Variants in IFT140 observed in about 807,000 individuals in gnomAD.
The protein encoded by IFT140 is intraflagellar transport protein 140 homolog.
In IFT140, 133 loss-of-function variants were observed where a neutral mutation model predicts 164.6. The observed-to-expected ratio is 0.81, with a 90% CI of 0.70 to 0.93. The LOEUF (loss-of-function observed/expected upper bound fraction) is 0.93. IFT140 is among the 40% of genes least tolerant of loss of function. IFT140 has a pLI of 0.00. For missense variants in IFT140, 2,045 were observed against 1,972.3 expected, an observed-to-expected ratio of 1.04 and a Z score of -0.70; for synonymous variants, 860 against 817.3, an observed-to-expected ratio of 1.05 and a Z score of -0.89.
rs200071245 is a variant in IFT140, at chr16:1,524,654, G to A, written c.3039C>T (p.Ser1013=). The change falls in exon 24 of 31, where the codon TCC becomes TCT. Residue 1013 remains serine, a synonymous_variant. Coordinates refer to ENST00000426508, the MANE Select transcript of IFT140 (RefSeq NM_014714.4). The part of the protein sequence containing the change: ...IANETGNLAA[S]YHLARQYESQ... ...TCTCGTACTGGCGGGCGAGGTGGTA[G>A]GAGGCCGCCAGGTTTCCTGTCTCGT... 5 of 1,583,086 alleles carry A rather than the reference G, an allele frequency of 3.2e-6. No individual in the cohort carries two copies. The highest frequency in any genetic ancestry group is 4.3e-6 in the Non-Finnish European group (5 of 1,159,914).
intron 30 of IFT140, among the ~76,000 whole-genome samples, chr16:1,512,415 G>A (rs2040200162): frequency 6.6e-6 from 1 of 152,174 alleles, no homozygotes; most frequent in African/African-American, 2.4e-5. Context: ...CGCTACAGCA[G>A]CAGCCAGGGA....
At chr16:1,526,821 G>A in intron 19 of IFT140, 25 bp from the exon 20 acceptor site, 1 of 1,597,530 alleles carries the variant, frequency 6.3e-7, no homozygotes, top group Non-Finnish European at 8.5e-7. Context: ...GGGTCTGTGA[G>A]GCTCCTGCCC....
At position 1,612,051 on chromosome 16, in the gene IFT140, A is replaced by T. The variant is rs939902985; in HGVS notation, c.-305T>A. Reference sequence around the variant, plus strand: ...CGAGCTACCACGCCGTTTTCTTCTCACGTATCCGTCAACACTGCTGCGGCC... The same window carrying T: ...CGAGCTACCACGCCGTTTTCTTCTCTCGTATCCGTCAACACTGCTGCGGCC... On this transcript the variant is annotated 5_prime_UTR_variant, in exon 1 of 31. Coordinates refer to ENST00000426508, the MANE Select transcript of IFT140 (RefSeq NM_014714.4). 6 of 152,148 alleles carry T rather than the reference A, an allele frequency of 3.9e-5. No homozygotes were observed. Among genetic ancestry groups the T allele is most frequent in the Non-Finnish European group, 7.3e-5 (5 of 68,058 alleles). 9.4% of individuals were successfully genotyped at this position (152,148 alleles called of 1,614,324 possible). A position where few individuals can be genotyped will look rare whatever the true frequency, so the allele number is the denominator to read the frequency against.
chr16:1,587,291 C>G lies in IFT140; in HGVS notation c.916G>C (p.Glu306Gln). ...GEAALRFWDIERGENYILSPD... is the reference protein window; with the variant it reads ...GEAALRFWDIQRGENYILSPD... ...CTCAGTATATAATTCTCTCCTCGTT[C>G]TATGTCCCAGAATCTACAACAGAAG... is the stretch of plus-strand genomic sequence containing the variant. Residue 306 changes from glutamate to glutamine, a missense_variant, in exon 9 of 31, where the codon GAA becomes CAA. Coordinates refer to ENST00000426508, the MANE Select transcript of IFT140 (RefSeq NM_014714.4). 1.9e-6 allele frequency: 3 copies of G among 1,610,496 alleles called. No homozygotes were observed. Among genetic ancestry groups the G allele is most frequent in the Non-Finnish European group, 2.5e-6 (3 of 1,176,800 alleles).
chr16:1,586,288 A>G lies in IFT140; in HGVS notation c.1010-13T>C, dbSNP rs1191228997. The G allele has an allele frequency of 6.2e-7, 1 of 1,608,328 alleles. No homozygotes were observed. Among genetic ancestry groups the G allele is most frequent in the Non-Finnish European group, 8.5e-7 (1 of 1,177,346 alleles). The stretch of plus-strand genomic sequence containing the variant: ...GCGGCCAGAAGACCTACAGGTAGAA[A>G]CAAACTGCATGTGAACAGAGTTAAA... On this transcript the variant is annotated splice_polypyrimidine_tract_variant and intron_variant, in intron 9 of 30. Transcript: ENST00000426508.
Position 1,510,636 on chromosome 16 carries a change from A to C in IFT140, c.*308T>G. On this transcript the variant is annotated 3_prime_UTR_variant, in exon 31 of 31. Coordinates refer to ENST00000426508, the MANE Select transcript of IFT140 (RefSeq NM_014714.4). ...AGCTGCAGCTTCCTGAGGTTCTAGA[A>C]GTTTCTCAGGCTTTACAATGTGTAG... The C allele has an allele frequency of 2.2e-6, 1 of 454,842 alleles. No homozygotes were observed. The highest frequency in any genetic ancestry group is 3.9e-6 in the Non-Finnish European group (1 of 253,366). 28.2% of individuals were successfully genotyped at this position (454,842 alleles called of 1,614,324 possible). A position where few individuals can be genotyped will look rare whatever the true frequency, so the allele number is the denominator to read the frequency against.
chr16:1,562,114 T>C lies in IFT140; in HGVS notation c.2070A>G (p.Ala690=), dbSNP rs756926236. 1.3e-6 allele frequency: 2 copies of C among 1,581,022 alleles called. No homozygotes were observed. The highest frequency in any genetic ancestry group is 1.7e-6 in the Non-Finnish European group (2 of 1,167,446). Residue 690 remains alanine, a splice_region_variant and synonymous_variant, in exon 18 of 31, where the codon GCA becomes GCG. Coordinates refer to ENST00000426508, the MANE Select transcript of IFT140 (RefSeq NM_014714.4). ...TGAAGAAGGACAGGATCAAAACATC[T>C]GCCTGGGAGAGAAAGAAAAGTACTG... The part of the protein sequence containing the change: ...QPQDGRAGPA[A]DVLILSFFIS...
At chr16:1,526,207 G>A in intron 20 of IFT140, 130 bp from the exon 21 acceptor site, 1 of 892,342 alleles carries the variant, frequency 1.1e-6, no homozygotes, top group Non-Finnish European at 1.7e-6. Flanking sequence ...CGGGGCCGCT[G>A]TGGGCACAGC....
At chr16:1,592,654 TG>T in intron 4 of IFT140, 66 bp from the exon 5 acceptor site, 3 of 1,556,098 alleles carry the variant, frequency 1.9e-6, no homozygotes, top group Non-Finnish European at 1.7e-6. Context: ...GAGGGACAGG[TG>T]TCCTGGCAGA....
At chr16:1,603,028 G>A (rs1313221666) in intron 3 of IFT140, among the ~76,000 whole-genome samples, 1 of 152,160 alleles carries the variant, frequency 6.6e-6, no homozygotes, top group African/African-American at 2.4e-5. Context: ...AAGGCAATGG[G>A]GCAATGTTCT....
chr16:1,603,571 G>A (rs781601203), intron 3 of IFT140, among the ~76,000 whole-genome samples: 3 of 151,596 alleles, frequency 2.0e-5, no homozygotes, highest in Non-Finnish European at 4.4e-5. Context: ...CGCAACCTCC[G>A]CCTCCAAGGT....
intron 19 of IFT140, among the ~76,000 whole-genome samples, chr16:1,544,738 T>A (rs547108425): frequency 4.0e-5 from 6 of 151,788 alleles, no homozygotes; most frequent in African/African-American, 1.2e-4. Context: ...AAGCTCCGCC[T>A]CCCGGGTTCA....
chr16:1,529,563 A>G (rs886452758), intron 19 of IFT140, among the ~76,000 whole-genome samples: 3 of 152,206 alleles, frequency 2.0e-5, no homozygotes, highest in African/African-American at 7.2e-5. Context: ...TCTTGCCACC[A>G]ACTCAGCACA....
At chr16:1,541,375 C>T (rs371302513) in intron 19 of IFT140, 30 of 985,290 alleles carry the variant, frequency 3.0e-5, no homozygotes, top group East Asian at 1.1e-4. Flanking sequence ...TGCTTCTCCT[C>T]GGTCCCAAGT....
chr16:1,534,643 TG>T (rs993541651), intron 19 of IFT140: 18 of 1,559,644 alleles, frequency 1.2e-5, no homozygotes, highest in Non-Finnish European at 1.6e-5. Flanking sequence ...GGTGAGCGGG[TG>T]GGGAGGCCTG....
At chr16:1,530,980 G>A (rs922974782) in intron 19 of IFT140, 3 of 152,256 alleles carry the variant, frequency 2.0e-5, no homozygotes, top group African/African-American at 7.2e-5. Flanking sequence ...CGGGAAGGGC[G>A]GTCACAGACC....
intron 14 of IFT140, among the ~76,000 whole-genome samples, chr16:1,569,304 G>C (rs1164159718): frequency 6.6e-6 from 1 of 152,106 alleles, no homozygotes; most frequent in African/African-American, 2.4e-5. Flanking sequence ...CACCGCGCTC[G>C]GCCGTGGAAT....
intron 3 of IFT140, among the ~76,000 whole-genome samples, chr16:1,602,808 C>T (rs551544185): frequency 2.6e-5 from 4 of 152,116 alleles, no homozygotes; most frequent in South Asian, 4.2e-4. Flanking sequence ...GGTGTGATGG[C>T]GGGCGTCTGT....
intron 19 of IFT140, among the ~76,000 whole-genome samples, chr16:1,538,960 A>G (rs911007190): frequency 1.3e-5 from 2 of 152,188 alleles, no homozygotes; most frequent in African/African-American, 4.8e-5. Flanking sequence ...AACCCAGGGC[A>G]AAAGCGCCCC....
Sources: gnomAD v4.1 joint callset for allele counts (sites outside exome capture counted in the v4.1 genomes callset) on GRCh38, gnomAD v4.1.1 for gene constraint, MANE v1.5 for transcripts, NCBI Gene and HGNC (gene_info 2026-07-23, HGNC 2026-07-21) for gene names.